Variants in CTNNA3 observed in about 807,000 individuals in gnomAD.
CTNNA3 encodes the protein catenin alpha 3.
CTNNA3 carries 76 observed loss-of-function variants against 95.7 expected under a neutral mutation model. That is an observed-to-expected ratio of 0.79 (90% confidence interval 0.66 to 0.96). The LOEUF is 0.96. CTNNA3 is among the 40% of genes least tolerant of loss of function. CTNNA3 has a pLI of 0.00. For missense variants in CTNNA3, 1,191 were observed against 1,089.8 expected, an observed-to-expected ratio of 1.09 and a Z score of -1.31; for synonymous variants, 431 against 374.4, an observed-to-expected ratio of 1.15 and a Z score of -1.74.
chr10:66,189,288 A>AC (rs2086522092), intron 13 of CTNNA3, among the ~76,000 whole-genome samples: 1 of 151,510 alleles, frequency 6.6e-6, no homozygotes, highest in Non-Finnish European at 1.5e-5. Flanking sequence ...AAAAAAAAAA[A>AC]ACATTGTTAA....
intron 13 of CTNNA3, among the ~76,000 whole-genome samples, chr10:66,229,509 C>G (rs570478676): frequency 4.6e-5 from 7 of 152,042 alleles, no homozygotes; most frequent in Non-Finnish European, 8.8e-5. Context: ...TCTCGTCTCA[C>G]AGGTTTTTTT....
At chr10:67,413,188 T>A (rs140745312) in intron 5 of CTNNA3, among the ~76,000 whole-genome samples, 27 of 152,296 alleles carry the variant, frequency 1.8e-4, no homozygotes, top group African/African-American at 5.8e-4. Context: ...AGAGCAGGTG[T>A]CACCATTCCT....
chr10:67,233,896 A>C (rs1030443534), intron 5 of CTNNA3, among the ~76,000 whole-genome samples: 18 of 152,230 alleles, frequency 1.2e-4, no homozygotes, highest in African/African-American at 4.3e-4. Flanking sequence ...CTACGCTAAT[A>C]AACTAGAAAA....
chr10:65,991,053 C>T (rs1374868125), intron 15 of CTNNA3, among the ~76,000 whole-genome samples: 1 of 152,038 alleles, frequency 6.6e-6, no homozygotes, highest in East Asian at 1.9e-4. Context: ...CCACCTTTGT[C>T]GAAAACCAGT....
intron 11 of CTNNA3, among the ~76,000 whole-genome samples, chr10:66,382,311 T>C (rs144640781): frequency 0.044 from 6,637 of 152,224 alleles, 336 homozygotes; most frequent in East Asian, 0.23. Flanking sequence ...CCCATGCCCA[T>C]GGAGCCTTGC....
At chr10:66,539,354 A>T (rs1465706255) in intron 10 of CTNNA3, among the ~76,000 whole-genome samples, 2 of 152,144 alleles carry the variant, frequency 1.3e-5, no homozygotes, top group African/African-American at 2.4e-5. Flanking sequence ...AGATTAATGA[A>T]TGTTTGAAGA....
At chr10:67,727,724 T>C (rs1841246975) in intron 1 of CTNNA3, among the ~76,000 whole-genome samples, 1 of 127,620 alleles carries the variant, frequency 7.8e-6, no homozygotes, top group South Asian at 2.3e-4. Context: ...ATAAAACTAG[T>C]CACTGTTGAG....
At chr10:66,813,862 G>C (rs1245892981) in intron 7 of CTNNA3, among the ~76,000 whole-genome samples, 2 of 151,898 alleles carry the variant, frequency 1.3e-5, no homozygotes, top group Non-Finnish European at 2.9e-5. Flanking sequence ...GTGTGTGTGT[G>C]TGTGTGTGTT....
intron 11 of CTNNA3, among the ~76,000 whole-genome samples, chr10:66,453,156 G>T (rs2093475546): frequency 6.6e-6 from 1 of 151,810 alleles, no homozygotes; most frequent in South Asian, 2.1e-4. Context: ...GGCAGAGGTT[G>T]CAGTGAGCCG....
At chr10:67,172,627 T>C (rs1427935145) in intron 7 of CTNNA3, among the ~76,000 whole-genome samples, 1 of 152,154 alleles carries the variant, frequency 6.6e-6, no homozygotes, top group Non-Finnish European at 1.5e-5. Flanking sequence ...AGATGCCTTT[T>C]GTAGATCAAT....
At chr10:66,145,640 A>G (rs889455857) in intron 13 of CTNNA3, among the ~76,000 whole-genome samples, 6 of 152,214 alleles carry the variant, frequency 3.9e-5, no homozygotes, top group Non-Finnish European at 8.8e-5. Flanking sequence ...AGTCATTTTC[A>G]TTGCACTAAC....
chr10:66,084,135 CAA>C (rs200266418), intron 14 of CTNNA3, among the ~76,000 whole-genome samples: 19 of 80,104 alleles, frequency 2.4e-4, no homozygotes, highest in Non-Finnish European at 4.5e-4. Flanking sequence ...AACTTCATCT[CAA>C]AAAAAAAAAA....
At chr10:67,664,303 A>C (rs1290921649) in intron 1 of CTNNA3, among the ~76,000 whole-genome samples, 1 of 152,148 alleles carries the variant, frequency 6.6e-6, no homozygotes, top group Non-Finnish European at 1.5e-5. Context: ...TTTTCTGAAC[A>C]TTTGGGGCCA....
At chr10:67,391,749 C>T (rs1310075421) in intron 5 of CTNNA3, among the ~76,000 whole-genome samples, 42 of 149,300 alleles carry the variant, frequency 2.8e-4, no homozygotes, top group South Asian at 6.6e-4. Flanking sequence ...GAAATAACGC[C>T]GCATATCTAC....
intron 12 of CTNNA3, among the ~76,000 whole-genome samples, chr10:66,300,582 G>A (rs1027388008): frequency 6.6e-6 from 1 of 151,470 alleles, no homozygotes; most frequent in African/African-American, 2.4e-5. Flanking sequence ...TGATGAGAAA[G>A]ATACTTCATC....
chr10:67,365,574 C>T (rs1231369642), intron 5 of CTNNA3, among the ~76,000 whole-genome samples: 1 of 152,124 alleles, frequency 6.6e-6, no homozygotes, highest in Non-Finnish European at 1.5e-5. Flanking sequence ...AGGATATGAA[C>T]AGACTTTTCT....
intron 13 of CTNNA3, among the ~76,000 whole-genome samples, chr10:66,146,141 C>T (rs1177944309): frequency 1.3e-5 from 2 of 152,144 alleles, no homozygotes; most frequent in African/African-American, 2.4e-5. Context: ...CATGAGCCAC[C>T]GTGCCCGGCC....
At chr10:67,258,946 T>C (rs1866469744) in intron 5 of CTNNA3, among the ~76,000 whole-genome samples, 1 of 152,162 alleles carries the variant, frequency 6.6e-6, no homozygotes, top group South Asian at 2.1e-4. Flanking sequence ...ACACCTCCTC[T>C]CATATCCTTT....
At chr10:66,784,168 T>C (rs1840649475) in intron 7 of CTNNA3, among the ~76,000 whole-genome samples, 1 of 152,188 alleles carries the variant, frequency 6.6e-6, no homozygotes, top group African/African-American at 2.4e-5. Context: ...ATAAATATTT[T>C]CTATCATTTC....
Sources: allele counts gnomAD v4.1 joint callset (sites outside exome capture counted in the v4.1 genomes callset), GRCh38; gene constraint gnomAD v4.1.1; transcripts MANE v1.5; gene names NCBI Gene and HGNC (gene_info 2026-07-23, HGNC 2026-07-21).